Variants in IQCH observed in about 807,000 individuals in gnomAD.
The protein encoded by IQCH is IQ domain-containing protein H.
IQCH carries 98 observed loss-of-function variants against 117.0 expected under a neutral mutation model. The ratio of observed to expected loss-of-function variants is 0.84; its 90% confidence interval spans 0.71 to 0.99. The LOEUF is 0.99. IQCH is among the 50% of genes least tolerant of loss of function. IQCH has a pLI of 0.00. For missense variants in IQCH, 1,102 were observed against 1,243.8 expected, an observed-to-expected ratio of 0.89 and a Z score of 1.72; for synonymous variants, 412 against 448.2, an observed-to-expected ratio of 0.92 and a Z score of 1.02.
At position 67,445,440 on chromosome 15, in the gene IQCH, G is replaced by C. The variant is rs987620080; in HGVS notation, c.2506-19687G>C. On this transcript the variant is annotated intron_variant, in intron 16 of 20. Transcript: ENST00000335894. The surrounding 1 kb of genome is among the most constrained non-coding windows in gnomAD (Gnocchi z 4.3). ...CCCCAGAGTACCTACCTCATGTCTG[G>C]TTTTTTTGTTTGTTTTTGAGATGGA... 6.8e-6 allele frequency among the ~76,000 whole-genome samples: 1 copy of C among 146,548 alleles called. No individual in the cohort carries two copies. The highest frequency in any genetic ancestry group is 1.5e-5 in the Non-Finnish European group (1 of 66,284).
At position 67,357,417 on chromosome 15, in the gene IQCH, C is replaced by G. The variant is rs771439713; in HGVS notation, c.710C>G (p.Ser237Ter). 10 of 1,586,212 alleles carry G rather than the reference C, an allele frequency of 6.3e-6. No individual in the cohort carries two copies. The African/African-American group carries it at 1.3e-4, about 21-fold the overall frequency. The change falls in exon 7 of 21, where the codon TCA becomes TGA. Residue 237 changes from serine to a stop codon, truncating the protein, a stop_gained. Coordinates refer to ENST00000335894, the MANE Select transcript of IQCH (RefSeq NM_001031715.3). LOFTEE classifies it high-confidence loss of function. ...AAGTTCTTTCCCAAGAAACAAAGAT[C>G]AAAGGTATTTATATTCCTCACTATA... Reference protein sequence around the residue: ...EVKFFPKKQRSKGKSRRSRGH... With the variant: ...EVKFFPKKQR
Position 67,475,777 on chromosome 15 carries a change from C to T in IQCH, c.2758C>T (p.Leu920Phe), listed in dbSNP as rs1436918051. Reference sequence around the variant, plus strand: ...CTCACTGGTTTTCCACTATGTTTTTCTCCAGATCTGTAGGGCCCATGGCAT... The same window carrying T: ...CTCACTGGTTTTCCACTATGTTTTTTTCCAGATCTGTAGGGCCCATGGCAT... ...NLSLVFHYVF[L>F]QICRAHGIGY... Residue 920 changes from leucine to phenylalanine, a missense_variant, in exon 18 of 21, where the codon CTC (leucine) becomes TTC (phenylalanine). Leu to Phe is a conservative substitution (Grantham distance 22, BLOSUM62 0). Around this residue, in one of 2 missense-constraint regions of IQCH, gnomAD observed 650 missense variants for 794.3 expected, o/e 0.82. Transcript: ENST00000335894. This position sits in a 1 kb window ranked among gnomAD's most constrained non-coding sequence, Gnocchi z 5.7. The T allele has an allele frequency of 3.7e-6, 6 of 1,614,050 alleles. No homozygotes were observed. The highest frequency in any genetic ancestry group is 5.1e-6 in the Non-Finnish European group (6 of 1,180,008).
rs574885465 is a variant in IQCH, at chr15:67,294,206, G to A, written c.387+14694G>A. Reference sequence around the variant, plus strand: ...TTCCAACAATTTTTCAACACTATGAGGACCTTCAACCCATTGACCTCTCAT... The same window carrying A: ...TTCCAACAATTTTTCAACACTATGAAGACCTTCAACCCATTGACCTCTCAT... On this transcript the variant is annotated intron_variant, in intron 4 of 20. Coordinates refer to ENST00000335894, the MANE Select transcript of IQCH (RefSeq NM_001031715.3). 3.3e-5 allele frequency among the ~76,000 whole-genome samples: 5 copies of A among 152,182 alleles called. No individual in the cohort carries two copies. In the East Asian group the frequency reaches 7.7e-4, roughly 23 times the overall value.
chr15:67,297,984 GA>G (rs368600790), intron 4 of IQCH, among the ~76,000 whole-genome samples: 5 of 151,378 alleles, frequency 3.3e-5, no homozygotes, highest in East Asian at 1.9e-4. Flanking sequence ...GCTACTCTAG[GA>G]AAAAAAAATT....
intron 5 of IQCH, among the ~76,000 whole-genome samples, chr15:67,338,809 A>T (rs536220120): frequency 1.9e-4 from 29 of 152,252 alleles, no homozygotes; most frequent in African/African-American, 6.7e-4. Context: ...TCTGAACTCT[A>T]TGAACAAGGT....
intron 5 of IQCH, among the ~76,000 whole-genome samples, chr15:67,338,328 C>G (rs1389790789): frequency 6.6e-6 from 1 of 151,910 alleles, no homozygotes; most frequent in East Asian, 1.9e-4. Flanking sequence ...CAACTTCATC[C>G]AGAAAAAAAA....
chr15:67,311,717 G>A (rs1266961772), intron 4 of IQCH, among the ~76,000 whole-genome samples: 8 of 151,766 alleles, frequency 5.3e-5, no homozygotes, highest in Admixed American at 1.3e-4. Flanking sequence ...TATAAAATTT[G>A]CATTTACTTA....
At chr15:67,313,864 A>G (rs1967718705) in intron 4 of IQCH, among the ~76,000 whole-genome samples, 1 of 152,204 alleles carries the variant, frequency 6.6e-6, no homozygotes. Flanking sequence ...TGATGTCCTC[A>G]TTAGTTATTA....
rs1753297771 is a variant in IQCH, at chr15:67,447,165, A to G, written c.2506-17962A>G. On this transcript the variant is annotated intron_variant, in intron 16 of 20. Transcript: ENST00000335894. The surrounding 1 kb of genome is among the most constrained non-coding windows in gnomAD (Gnocchi z 5.3). ...AATTTTCCCTTCATAAAATGGGAGT[A>G]TGAATACCAAACCCATAAAGTTGTT... Among the ~76,000 whole-genome samples, 1 of 152,212 alleles carries G rather than the reference A, an allele frequency of 6.6e-6. No individual in the cohort carries two copies. The highest frequency in any genetic ancestry group is 2.4e-5 in the African/African-American group (1 of 41,450).
chr15:67,351,929 A>C (rs1969681025), intron 6 of IQCH, among the ~76,000 whole-genome samples: 1 of 152,108 alleles, frequency 6.6e-6, no homozygotes. Context: ...GACCATCGTT[A>C]TCCATTTAGC....
chr15:67,375,283 G>C (rs765284672), intron 10 of IQCH, among the ~76,000 whole-genome samples: 2 of 151,998 alleles, frequency 1.3e-5, no homozygotes, highest in African/African-American at 2.4e-5. Flanking sequence ...AAAAATTAGC[G>C]AGGCATGGTG....
rs1045861955 is a variant in IQCH, at chr15:67,474,838, A to G, written c.2677-858A>G. 6.6e-6 allele frequency among the ~76,000 whole-genome samples: 1 copy of G among 152,246 alleles called. No homozygotes were observed. The highest frequency in any genetic ancestry group is 2.4e-5 in the African/African-American group (1 of 41,462). ...GTGATAAAGGTTAACATCATCAGTG[A>G]TAAGTCACACTGATACCATCTATCT... On this transcript the variant is annotated intron_variant, in intron 17 of 20. Coordinates refer to ENST00000335894, the MANE Select transcript of IQCH (RefSeq NM_001031715.3). The surrounding 1 kb of genome is among the most constrained non-coding windows in gnomAD (Gnocchi z 4.1).
chr15:67,264,994 G>A (rs1965612505), intron 3 of IQCH, among the ~76,000 whole-genome samples: 1 of 152,074 alleles, frequency 6.6e-6, no homozygotes, highest in Admixed American at 6.6e-5. Flanking sequence ...TGTCATCAAA[G>A]GATCAAGCAT....
At chr15:67,487,326 C>G (rs982628449) in intron 18 of IQCH, among the ~76,000 whole-genome samples, 1 of 152,012 alleles carries the variant, frequency 6.6e-6, no homozygotes, top group African/African-American at 2.4e-5. Context: ...GAGTGAGACT[C>G]TGTCTCAAAA....
intron 4 of IQCH, among the ~76,000 whole-genome samples, chr15:67,328,668 TG>T (rs1386560539): frequency 5.9e-5 from 9 of 152,212 alleles, no homozygotes; most frequent in African/African-American, 2.2e-4. Context: ...CAGGTCTTAC[TG>T]ATAATATGTA....
intron 18 of IQCH, among the ~76,000 whole-genome samples, chr15:67,477,771 G>A (rs1323248363): frequency 6.6e-6 from 1 of 151,984 alleles, no homozygotes; most frequent in Non-Finnish European, 1.5e-5. Flanking sequence ...CTGTAAAAAG[G>A]CATATTTGGC....
At chr15:67,284,562 G>A (rs1966487657) in intron 4 of IQCH, among the ~76,000 whole-genome samples, 1 of 152,054 alleles carries the variant, frequency 6.6e-6, no homozygotes. Flanking sequence ...CATCACCCAG[G>A]TATTAAGCCT....
chr15:67,444,983 T>C (rs928538959), intron 16 of IQCH, among the ~76,000 whole-genome samples: 2 of 152,216 alleles, frequency 1.3e-5, no homozygotes, highest in Admixed American at 6.5e-5. Context: ...AGTTCCACTA[T>C]AGTAATATTT....
At chr15:67,415,654 A>G (rs1233416852) in intron 14 of IQCH, among the ~76,000 whole-genome samples, 1 of 152,126 alleles carries the variant, frequency 6.6e-6, no homozygotes, top group East Asian at 1.9e-4. Flanking sequence ...TGGTAGGGAA[A>G]TTGGAAATAA....
Sources: allele counts gnomAD v4.1 joint callset (sites outside exome capture counted in the v4.1 genomes callset), GRCh38; gene constraint gnomAD v4.1.1; regional missense constraint gnomAD v4.1.1; non-coding constraint Gnocchi (gnomAD v3.1); transcripts MANE v1.5; gene names NCBI Gene and HGNC (gene_info 2026-07-23, HGNC 2026-07-21).